The following ST3GAL1 variants were observed in gnomAD, a reference collection of about 807,000 sequenced individuals.
ST3GAL1 encodes ST3 beta-galactoside alpha-2,3-sialyltransferase 1, also known as CMP-N-acetylneuraminate-beta-galactosamide-alpha-2,3-sialyltransferase 1.
A neutral mutation model predicts 34.1 loss-of-function variants in ST3GAL1; 16 were observed. The ratio of observed to expected loss-of-function variants is 0.47; its 90% CI spans 0.32 to 0.71. The LOEUF (loss-of-function observed/expected upper bound fraction) is 0.71, where lower values mean the gene tolerates loss of function less well. Among genes scored for constraint, ST3GAL1 ranks in the 30% least tolerant of loss-of-function variants. ST3GAL1 has a pLI of 0.04. For synonymous variants in ST3GAL1, 191 were observed against 184.7 expected (o/e 1.03, Z -0.28); for missense variants, 353 against 447.4 (o/e 0.79, Z 1.90).
At chr8:133,481,240 C>G (rs567698556) in intron 3 of ST3GAL1, among the ~76,000 whole-genome samples, 1 of 152,222 alleles carries the variant, frequency 6.6e-6, no homozygotes, top group Admixed American at 6.5e-5. Flanking sequence ...TGAGCAGGTA[C>G]AGAAGTGGCA....
chr8:133,501,151 G>A lies in ST3GAL1; in HGVS notation c.-428-1962C>T, dbSNP rs533409371. On this transcript the variant is annotated intron_variant, in intron 2 of 9. Coordinates refer to ENST00000522652, the MANE Select transcript of ST3GAL1 (RefSeq NM_173344.3). ...CAGATGTGGGAAAGGTAACATGAGC[G>A]AGGATAGAAAAATCAACACAGGGTT... is the stretch of plus-strand genomic sequence containing the variant. Among the ~76,000 whole-genome samples the A allele has an allele frequency of 2.8e-4, 43 of 152,306 alleles. 1 individual carries two copies. The highest frequency in any genetic ancestry group is 9.9e-4 in the African/African-American group (41 of 41,564).
At chr8:133,554,483 A>C (rs1818949666) in intron 1 of ST3GAL1, among the ~76,000 whole-genome samples, 1 of 152,140 alleles carries the variant, frequency 6.6e-6, no homozygotes, top group African/African-American at 2.4e-5. Flanking sequence ...AGAACTATGA[A>C]TCAAAGGAGA....
chr8:133,460,387 T>C (rs1815453236), intron 9 of ST3GAL1, among the ~76,000 whole-genome samples: 1 of 152,210 alleles, frequency 6.6e-6, no homozygotes, highest in African/African-American at 2.4e-5. Flanking sequence ...AGTCACTTCT[T>C]TGAGCCTCAC....
intron 1 of ST3GAL1, among the ~76,000 whole-genome samples, chr8:133,563,082 C>T (rs1563744866): frequency 6.6e-6 from 1 of 151,860 alleles, no homozygotes; most frequent in Admixed American, 6.6e-5. Flanking sequence ...CATGAAGGGA[C>T]TTTTTAGCCA....
intron 2 of ST3GAL1, among the ~76,000 whole-genome samples, chr8:133,527,715 G>A (rs1818018431): frequency 6.6e-6 from 1 of 152,250 alleles, no homozygotes; most frequent in Admixed American, 6.5e-5. Flanking sequence ...CTCACGCAGA[G>A]CTGGAGAAGA....
Position 133,484,234 on chromosome 8 carries a change from G to A in ST3GAL1, c.-373-7634C>T, listed in dbSNP as rs545676314. On this transcript the variant is annotated intron_variant, in intron 3 of 9. Transcript: ENST00000522652. ...CTGAGAGGTCTTGGGTAGGGACCTCGTCTACCTCATCAGGCTCAGGGCCTG... is the reference window on the plus strand; with the variant it reads ...CTGAGAGGTCTTGGGTAGGGACCTCATCTACCTCATCAGGCTCAGGGCCTG... 8.1e-4 allele frequency among the ~76,000 whole-genome samples: 123 copies of A among 152,264 alleles called. 1 individual carries two copies. Among genetic ancestry groups the A allele is most frequent in the South Asian group, 2.1e-3 (10 of 4,826 alleles).
intron 2 of ST3GAL1, among the ~76,000 whole-genome samples, chr8:133,526,439 T>A (rs1292188560): frequency 3.3e-5 from 5 of 152,052 alleles, no homozygotes; most frequent in Non-Finnish European, 7.4e-5. Context: ...TCATGAAGGG[T>A]TTTGTCTAAT....
intron 2 of ST3GAL1, among the ~76,000 whole-genome samples, chr8:133,535,758 G>A (rs182443753): frequency 1.3e-5 from 2 of 152,248 alleles, no homozygotes; most frequent in East Asian, 3.9e-4. Flanking sequence ...CAAAGTGCTA[G>A]GAGCATAAGC....
intron 3 of ST3GAL1, among the ~76,000 whole-genome samples, chr8:133,497,733 A>G (rs1366073960): frequency 1.3e-5 from 2 of 151,814 alleles, no homozygotes; most frequent in African/African-American, 4.8e-5. Context: ...TCGGCCTCCC[A>G]ATGTGCTAGG....
intron 1 of ST3GAL1, among the ~76,000 whole-genome samples, chr8:133,551,536 GAGAAGGAAAGAAAGAAAGAA>G (rs1818844309): frequency 2.6e-5 from 3 of 116,064 alleles, no homozygotes; most frequent in Non-Finnish European, 5.2e-5. Context: ...GAGAAAGAAA[GAGAAGGAAAGAAAGAAAGAA>G]AGAAAGAAAG....
At chr8:133,524,122 A>C (rs1433158524) in intron 2 of ST3GAL1, among the ~76,000 whole-genome samples, 1 of 152,170 alleles carries the variant, frequency 6.6e-6, no homozygotes, top group African/African-American at 2.4e-5. Flanking sequence ...TCTCTGCTCA[A>C]TTGCTCCTAT....
At chr8:133,513,359 A>G (rs568448839) in intron 2 of ST3GAL1, among the ~76,000 whole-genome samples, 259 of 152,198 alleles carry the variant, frequency 1.7e-3, no homozygotes, top group African/African-American at 6.0e-3. Flanking sequence ...CTGCTGGGGC[A>G]TTACACTTAC....
chr8:133,487,069 G>C (rs780696251), intron 3 of ST3GAL1, among the ~76,000 whole-genome samples: 1 of 151,998 alleles, frequency 6.6e-6, no homozygotes, highest in East Asian at 1.9e-4. Context: ...TCAGCCTCTC[G>C]AGTAGCTGGG....
chr8:133,541,116 T>TAGAGAGAGAGAGAGAGAGAGAGAG lies in ST3GAL1; in HGVS notation c.-429+4657_-429+4658insCTCTCTCTCTCTCTCTCTCTCTCT, dbSNP rs1287760256. The stretch of plus-strand genomic sequence containing the variant: ...ATAAACATATATATATATATATATA[T>TAGAGAGAGAGAGAGAGAGAGAGAG]ATATAGAGAGAGAGAGAGAGAGAGA... On this transcript the variant is annotated intron_variant, in intron 2 of 9. Transcript: ENST00000522652. 6.2e-5 allele frequency among the ~76,000 whole-genome samples: 3 copies of TAGAGAGAGAGAGAGAGAGAGAGAG among 48,514 alleles called. 1 individual carries two copies. The highest frequency in any genetic ancestry group is 1.1e-4 in the Non-Finnish European group (3 of 27,054). 31.8% of individuals were successfully genotyped at this position (48,514 alleles called of 152,430 possible).
At chr8:133,530,617 T>C (rs770048636) in intron 2 of ST3GAL1, among the ~76,000 whole-genome samples, 3 of 152,170 alleles carry the variant, frequency 2.0e-5, no homozygotes, top group African/African-American at 4.8e-5. Flanking sequence ...AATGCTGTGC[T>C]CAGATCACTG....
At chr8:133,555,961 T>C (rs1168477251) in intron 1 of ST3GAL1, among the ~76,000 whole-genome samples, 2 of 152,200 alleles carry the variant, frequency 1.3e-5, no homozygotes, top group Non-Finnish European at 2.9e-5. Flanking sequence ...TGGCACGGTC[T>C]CGGCTCACTG....
At position 133,492,956 on chromosome 8, in the gene ST3GAL1, G is replaced by A. The variant is rs1816828567; in HGVS notation, c.-374+6179C>T. On this transcript the variant is annotated intron_variant, in intron 3 of 9. Transcript: ENST00000522652. ...TCCGTCCAATAAGGAGGCGACTCTG[G>A]CAGGAGAGATAAACTGAGCTACGCC... Among the ~76,000 whole-genome samples, 5 of 152,190 alleles carry A rather than the reference G, an allele frequency of 3.3e-5. No individual in the cohort carries two copies. In the South Asian group the frequency reaches 1.0e-3, roughly 32 times the overall value.
At chr8:133,532,660 A>G (rs954281687) in intron 2 of ST3GAL1, among the ~76,000 whole-genome samples, 2 of 152,150 alleles carry the variant, frequency 1.3e-5, no homozygotes, top group Admixed American at 1.3e-4. Flanking sequence ...GAGAGCAAAA[A>G]CTTTGGGGCG....
At position 133,459,479 on chromosome 8, in the gene ST3GAL1, G is replaced by A; in HGVS notation, c.*285C>T. On this transcript the variant is annotated 3_prime_UTR_variant, in exon 10 of 10. Coordinates refer to ENST00000522652, the MANE Select transcript of ST3GAL1 (RefSeq NM_173344.3). This position sits in a 1 kb window ranked among gnomAD's most constrained non-coding sequence, Gnocchi z 4.7. ...CCAGGAGCCAAAATGATTTTAGTGT[G>A]TGGAGGTTGAACCTTTCCCAGCGTC... 3.3e-6 allele frequency: 1 copy of A among 305,414 alleles called. No homozygotes were observed. Among genetic ancestry groups the A allele is most frequent in the East Asian group, 5.6e-5 (1 of 17,926 alleles). 18.9% of individuals were successfully genotyped at this position (305,414 alleles called of 1,614,324 possible). A position where few individuals can be genotyped will look rare whatever the true frequency, so the allele number is the denominator to read the frequency against.
Sources: gnomAD v4.1 joint callset for allele counts (sites outside exome capture counted in the v4.1 genomes callset) on GRCh38, gnomAD v4.1.1 for gene constraint, Gnocchi (gnomAD v3.1) non-coding constraint, MANE v1.5 for transcripts, NCBI Gene and HGNC (gene_info 2026-07-23, HGNC 2026-07-21) for gene names.